The following LRRC4C variants were observed in gnomAD, a reference collection of about 807,000 sequenced individuals.
The protein encoded by LRRC4C is leucine-rich repeat-containing protein 4C.
A neutral mutation model predicts 33.6 loss-of-function variants in LRRC4C; 5 were observed. The ratio of observed to expected loss-of-function variants is 0.15; its 90% CI spans 0.08 to 0.31. The LOEUF (loss-of-function observed/expected upper bound fraction) is 0.31, where lower values mean the gene tolerates loss of function less well. LRRC4C is among the 10% of genes least tolerant of loss of function. The pLI is 1.00. For missense variants in LRRC4C, 560 were observed against 796.7 expected, an observed-to-expected ratio of 0.70 and a Z score of 3.58; for synonymous variants, 329 against 302.0, an observed-to-expected ratio of 1.09 and a Z score of -0.93.
chr11:40,345,972 A>G (rs765645749), intron 3 of LRRC4C, among the ~76,000 whole-genome samples: 1 of 152,216 alleles, frequency 6.6e-6, no homozygotes, highest in Non-Finnish European at 1.5e-5. Flanking sequence ...TGATCATTAG[A>G]GAAATGAAAA....
intron 3 of LRRC4C, among the ~76,000 whole-genome samples, chr11:40,588,648 A>G (rs993391388): frequency 6.6e-6 from 1 of 151,598 alleles, no homozygotes; most frequent in Non-Finnish European, 1.5e-5. Context: ...ACTGCTTTGA[A>G]TGCGTCCCAG....
At chr11:40,133,309 T>C (rs1856769658) in intron 6 of LRRC4C, among the ~76,000 whole-genome samples, 1 of 152,198 alleles carries the variant, frequency 6.6e-6, no homozygotes, top group African/African-American at 2.4e-5. Context: ...TGCAAGGCAA[T>C]CCGAAGAGAA....
chr11:40,601,765 A>G (rs547211753), intron 3 of LRRC4C, among the ~76,000 whole-genome samples: 2 of 152,196 alleles, frequency 1.3e-5, no homozygotes, highest in Non-Finnish European at 2.9e-5. Flanking sequence ...GATATTTTTC[A>G]TGATCAAAGT....
At chr11:40,385,051 T>C (rs1325888245) in intron 3 of LRRC4C, among the ~76,000 whole-genome samples, 5 of 152,222 alleles carry the variant, frequency 3.3e-5, no homozygotes, top group Non-Finnish European at 7.3e-5. Flanking sequence ...TATTGAATTA[T>C]GCCATCTGTT....
At chr11:41,361,890 G>A (rs1591353061) in intron 1 of LRRC4C, among the ~76,000 whole-genome samples, 2 of 152,078 alleles carry the variant, frequency 1.3e-5, no homozygotes, top group Admixed American at 1.3e-4. Flanking sequence ...TAATATAATT[G>A]TAATCTGAAA....
chr11:40,326,768 A>G (rs555852442), intron 3 of LRRC4C, among the ~76,000 whole-genome samples: 1 of 152,344 alleles, frequency 6.6e-6, no homozygotes, highest in East Asian at 1.9e-4. Flanking sequence ...GTTGGATTTC[A>G]TTCTCATTGC....
At chr11:40,590,786 G>GCTCGGGGGTCAGGGGTCAGGGACCCA (rs1250961697) in intron 3 of LRRC4C, among the ~76,000 whole-genome samples, 1 of 152,234 alleles carries the variant, frequency 6.6e-6, no homozygotes, top group East Asian at 1.9e-4. Context: ...CAGTTAGGCT[G>GCTCGGGGGTCAGGGGTCAGGGACCCA]CTCGGGGGTC....
At chr11:41,301,063 G>A (rs914355228) in intron 1 of LRRC4C, among the ~76,000 whole-genome samples, 64 of 152,046 alleles carry the variant, frequency 4.2e-4, no homozygotes, top group Non-Finnish European at 5.6e-4. Flanking sequence ...CTTAAATGCC[G>A]TCAAGTTAGT....
At chr11:40,274,076 T>A (rs2136369551) in intron 4 of LRRC4C, among the ~76,000 whole-genome samples, 1 of 152,162 alleles carries the variant, frequency 6.6e-6, no homozygotes, top group East Asian at 1.9e-4. Flanking sequence ...ACTGGAGCTG[T>A]GGCCAGTAAG....
At chr11:40,593,778 A>G (rs563674416) in intron 3 of LRRC4C, among the ~76,000 whole-genome samples, 2 of 152,310 alleles carry the variant, frequency 1.3e-5, no homozygotes, top group South Asian at 4.1e-4. Flanking sequence ...GCATAATAAG[A>G]TTGAAAACTC....
chr11:41,362,129 C>T (rs1361580618), intron 1 of LRRC4C, among the ~76,000 whole-genome samples: 4 of 152,102 alleles, frequency 2.6e-5, no homozygotes, highest in Admixed American at 1.3e-4. Context: ...AGATTCCTCA[C>T]TCATATCAGA....
chr11:41,228,515 T>C (rs1947643397), intron 1 of LRRC4C, among the ~76,000 whole-genome samples: 2 of 152,176 alleles, frequency 1.3e-5, no homozygotes, highest in African/African-American at 2.4e-5. Flanking sequence ...GCAATAGATA[T>C]CTCATCCTTA....
At chr11:40,386,343 CT>C (rs1949110883) in intron 3 of LRRC4C, among the ~76,000 whole-genome samples, 1 of 152,120 alleles carries the variant, frequency 6.6e-6, no homozygotes. Context: ...TCAAACCAAA[CT>C]GGGGTCAAAT....
At chr11:40,448,430 G>A (rs1433301624) in intron 3 of LRRC4C, among the ~76,000 whole-genome samples, 1 of 151,856 alleles carries the variant, frequency 6.6e-6, no homozygotes, top group Non-Finnish European at 1.5e-5. Flanking sequence ...GCCCTGGTGT[G>A]TGATATTCCC....
intron 5 of LRRC4C, among the ~76,000 whole-genome samples, chr11:40,231,467 TA>T (rs1865193805): frequency 1.9e-5 from 1 of 53,160 alleles, no homozygotes; most frequent in South Asian, 9.9e-4. Context: ...TATACATTTA[TA>T]ATAAACTAGT....
intron 2 of LRRC4C, among the ~76,000 whole-genome samples, chr11:40,792,191 C>T (rs1052370743): frequency 6.6e-6 from 1 of 151,880 alleles, no homozygotes; most frequent in African/African-American, 2.4e-5. Context: ...GAAAATATGA[C>T]ATGTTTCATT....
intron 1 of LRRC4C, among the ~76,000 whole-genome samples, chr11:41,336,250 T>A (rs192341122): frequency 0.038 from 5,797 of 150,686 alleles, 342 homozygotes; most frequent in African/African-American, 0.13. Flanking sequence ...TCCTTTTTTT[T>A]TAAAAAAAAA....
At chr11:40,823,861 C>T (rs911595310) in intron 2 of LRRC4C, among the ~76,000 whole-genome samples, 4 of 149,984 alleles carry the variant, frequency 2.7e-5, no homozygotes, top group African/African-American at 7.4e-5. Flanking sequence ...AATGTACTTA[C>T]GCAAAGACAT....
intron 1 of LRRC4C, among the ~76,000 whole-genome samples, chr11:41,222,537 G>A (rs1947352035): frequency 1.3e-5 from 2 of 152,104 alleles, no homozygotes; most frequent in Non-Finnish European, 2.9e-5. Flanking sequence ...CCTGGACTCC[G>A]ATCTCACCAA....
Sources: allele counts gnomAD v4.1 joint callset (sites outside exome capture counted in the v4.1 genomes callset), GRCh38; gene constraint gnomAD v4.1.1; transcripts MANE v1.5; gene names NCBI Gene and HGNC (gene_info 2026-07-23, HGNC 2026-07-21).